RAB18: variants seen among roughly 807,000 people sequenced by gnomAD.
RAB18 encodes the protein ras-related protein Rab-18.
Under a neutral mutation model 28.5 loss-of-function variants are expected in RAB18, and 10 were observed. The observed-to-expected ratio is 0.35, with a 90% CI of 0.22 to 0.60. The LOEUF (loss-of-function observed/expected upper bound fraction) is 0.60. Ranked by LOEUF, RAB18 falls within the 20% of genes least tolerant of loss-of-function variation. The pLI is 0.78. For missense variants in RAB18, 188 were observed against 244.2 expected (o/e 0.77, Z 1.53); for synonymous variants, 93 against 86.9 (o/e 1.07, Z -0.39).
intron 6 of RAB18, among the ~76,000 whole-genome samples, chr10:27,535,984 G>C (rs1021671567): frequency 5.9e-5 from 9 of 152,000 alleles, no homozygotes; most frequent in African/African-American, 2.4e-5. Context: ...TTGGGAGGCT[G>C]AGGCAGGAGA....
intron 2 of RAB18, among the ~76,000 whole-genome samples, chr10:27,513,019 T>C (rs1355806490): frequency 7.2e-6 from 1 of 139,188 alleles, no homozygotes; most frequent in Non-Finnish European, 1.5e-5. Context: ...TAATAACATA[T>C]ATATATATAT....
rs537878554 is a variant in RAB18, at chr10:27,518,879, A to T, written c.125-7949A>T. Among the ~76,000 whole-genome samples, 33 of 152,216 alleles carry T rather than the reference A, an allele frequency of 2.2e-4. 1 individual carries two copies. In the East Asian group the frequency reaches 4.2e-3, roughly 20 times the overall value. ...ATTTTCCCCTATATTTTCTTCCAGA[A>T]GTCTTATAGTTTATAAAGTGTTACA... On this transcript the variant is annotated intron_variant, in intron 2 of 6. Transcript: ENST00000356940.
At chr10:27,513,571 A>G (rs887478045) in intron 2 of RAB18, among the ~76,000 whole-genome samples, 1 of 152,138 alleles carries the variant, frequency 6.6e-6, no homozygotes, top group African/African-American at 2.4e-5. Flanking sequence ...CTTTCTTGGC[A>G]ATTAGCTAAA....
At chr10:27,516,465 G>A (rs1182969453) in intron 2 of RAB18, among the ~76,000 whole-genome samples, 1 of 151,868 alleles carries the variant, frequency 6.6e-6, no homozygotes, top group Non-Finnish European at 1.5e-5. Context: ...GGCTGAGGCA[G>A]GAGAATCGCT....
At chr10:27,532,448 C>T (rs1834806786) in intron 3 of RAB18, 59 bp from the exon 4 acceptor site, 1 of 1,251,568 alleles carries the variant, frequency 8.0e-7, no homozygotes, top group Non-Finnish European at 1.2e-6. Flanking sequence ...TACTCTTAAA[C>T]TAGTATATTG....
chr10:27,541,160 A>G lies in RAB18; in HGVS notation c.*3109A>G. The G allele has an allele frequency of 2.2e-6, 1 of 453,986 alleles. No individual in the cohort carries two copies. The allele number at this position is 453,986 out of a possible 1,614,324, so 28.1% of individuals were successfully genotyped here. On this transcript the variant is annotated 3_prime_UTR_variant, in exon 7 of 7. Transcript: ENST00000356940. Reference sequence around the variant, plus strand: ...CTTTCCTGTATTTCCCTAGTTAAGTATAGGGGTAAAAACGTTATTCAGCTT... The same window carrying G: ...CTTTCCTGTATTTCCCTAGTTAAGTGTAGGGGTAAAAACGTTATTCAGCTT...
At position 27,541,080 on chromosome 10, in the gene RAB18, T is replaced by C. The variant is rs2132420983; in HGVS notation, c.*3029T>C. 1 of 453,972 alleles carries C rather than the reference T, an allele frequency of 2.2e-6. No homozygotes were observed. The highest frequency in any genetic ancestry group is 2.0e-5 in the African/African-American group (1 of 50,126). 28.1% of individuals were successfully genotyped at this position (453,972 alleles called of 1,614,324 possible). A position where few individuals can be genotyped will look rare whatever the true frequency, so the allele number is the denominator to read the frequency against. The stretch of plus-strand genomic sequence containing the variant: ...AGATCCTCTCCATATTCAAGCATTA[T>C]GCTTCTCTTTCTTGGGGGTACATTT... On this transcript the variant is annotated 3_prime_UTR_variant, in exon 7 of 7. Coordinates refer to ENST00000356940, the MANE Select transcript of RAB18 (RefSeq NM_021252.5).
In RAB18 at chr10:27,535,966, C is replaced by T. The variant is rs796991564; in HGVS notation, c.446-1910C>T. On this transcript the variant is annotated intron_variant, in intron 6 of 6. Coordinates refer to ENST00000356940, the MANE Select transcript of RAB18 (RefSeq NM_021252.5). ...GGCGTGGTGGCGGGTGCCTGTAGTC[C>T]CAGCTACTTGGGAGGCTGAGGCAGG... Among the ~76,000 whole-genome samples the T allele has an allele frequency of 1.7e-4, 26 of 152,094 alleles. 1 individual carries two copies. Among genetic ancestry groups the T allele is most frequent in the African/African-American group, 6.0e-4 (25 of 41,504 alleles).
chr10:27,510,064 A>G (rs1834296089), intron 2 of RAB18, 134 bp downstream of exon 2: 3 of 729,562 alleles, frequency 4.1e-6, no homozygotes, highest in African/African-American at 1.8e-5. Flanking sequence ...TTGTCCTTCA[A>G]GACTTAATTT....
intron 2 of RAB18, among the ~76,000 whole-genome samples, chr10:27,511,744 A>G (rs968579736): frequency 2.6e-5 from 4 of 152,180 alleles, no homozygotes; most frequent in African/African-American, 9.7e-5. Context: ...TATTTCTTGT[A>G]GAGAGATACA....
At chr10:27,536,037 A>T (rs375732507) in intron 6 of RAB18, among the ~76,000 whole-genome samples, 2 of 151,466 alleles carry the variant, frequency 1.3e-5, no homozygotes, top group Admixed American at 1.3e-4. Context: ...GAGCGAGATC[A>T]CGCCACTGCA....
At chr10:27,522,925 T>G (rs1426197763) in intron 2 of RAB18, among the ~76,000 whole-genome samples, 1 of 152,110 alleles carries the variant, frequency 6.6e-6, no homozygotes, top group African/African-American at 2.4e-5. Context: ...ACTAGAAGTT[T>G]ATCAGTTTTA....
In RAB18 at chr10:27,505,490, A is replaced by G. The variant is rs570190378; in HGVS notation, c.68+1053A>G. On this transcript the variant is annotated intron_variant, in intron 1 of 6. Transcript: ENST00000356940. ...AAATAACTTGTAAAAGTCACTTCAT[A>G]AAGTCTTACTTTTTAAAAGCTTCTT... Among the ~76,000 whole-genome samples the G allele has an allele frequency of 1.4e-3, 207 of 152,348 alleles. 3 individuals are homozygous for G. The highest frequency in any genetic ancestry group is 4.7e-3 in the Admixed American group (72 of 15,310).
Position 27,539,881 on chromosome 10 carries a change from A to T in RAB18, c.*1830A>T, listed in dbSNP as rs763743990. 1 of 453,908 alleles carries T rather than the reference A, an allele frequency of 2.2e-6. No homozygotes were observed. The highest frequency in any genetic ancestry group is 1.6e-5 in the South Asian group (1 of 64,424). 28.1% of individuals were successfully genotyped at this position (453,908 alleles called of 1,614,324 possible). ...TTTCCCTATTACTCTCATCAGCTGA[A>T]GAATATGTACTATTGTGTTACTCAA... On this transcript the variant is annotated 3_prime_UTR_variant, in exon 7 of 7. Coordinates refer to ENST00000356940, the MANE Select transcript of RAB18 (RefSeq NM_021252.5).
rs1207656055 is a variant in RAB18, at chr10:27,540,183, G to A, written c.*2132G>A. On this transcript the variant is annotated 3_prime_UTR_variant, in exon 7 of 7. Coordinates refer to ENST00000356940, the MANE Select transcript of RAB18 (RefSeq NM_021252.5). ...GAGTAATAGTTAATATTTATTGAAA[G>A]CTTCCTTGGTGCCAGATGCCTTTCT... 1 of 454,024 alleles carries A rather than the reference G, an allele frequency of 2.2e-6. No individual in the cohort carries two copies. The highest frequency in any genetic ancestry group is 1.6e-5 in the South Asian group (1 of 64,470). 28.1% of individuals were successfully genotyped at this position (454,024 alleles called of 1,614,324 possible). A position where few individuals can be genotyped will look rare whatever the true frequency, so the allele number is the denominator to read the frequency against.
rs1327622185 is a variant in RAB18 at position 27,538,461 on chromosome 10, T to TA, written c.*410_*411insA. 3 of 455,152 alleles carry TA rather than the reference T, an allele frequency of 6.6e-6. No homozygotes were observed. The highest frequency in any genetic ancestry group is 3.1e-5 in the South Asian group (2 of 64,480). The allele number at this position is 455,152 out of a possible 1,614,324, so 28.2% of individuals were successfully genotyped here. Reference sequence around the variant, plus strand: ...AGCACCACGGGGAAGAATAGAGGTATCATCAAACGTGGCAAATTTTCTTTC... The same window carrying TA: ...AGCACCACGGGGAAGAATAGAGGTATACATCAAACGTGGCAAATTTTCTTTC... On this transcript the variant is annotated 3_prime_UTR_variant, in exon 7 of 7. Transcript: ENST00000356940.
chr10:27,507,941 G>A (rs1006188408), intron 1 of RAB18, among the ~76,000 whole-genome samples: 6 of 151,668 alleles, frequency 4.0e-5, no homozygotes, highest in Non-Finnish European at 5.9e-5. Flanking sequence ...TACTTGGGGG[G>A]CTAAGGTGGG....
At chr10:27,527,619 ATATC>A (rs1305523393) in intron 3 of RAB18, among the ~76,000 whole-genome samples, 2 of 151,602 alleles carry the variant, frequency 1.3e-5, no homozygotes, top group African/African-American at 2.4e-5. Context: ...ACTGTTTTAT[ATATC>A]TATTTTTCAC....
chr10:27,522,306 TTTTG>T (rs1249170090), intron 2 of RAB18, among the ~76,000 whole-genome samples: 3 of 152,302 alleles, frequency 2.0e-5, no homozygotes, highest in African/African-American at 7.2e-5. Context: ...TATCAAAATA[TTTTG>T]TTTTAGTCTC....
Sources: gnomAD v4.1 joint callset for allele counts (sites outside exome capture counted in the v4.1 genomes callset) on GRCh38, gnomAD v4.1.1 for gene constraint, MANE v1.5 for transcripts, NCBI Gene and HGNC (gene_info 2026-07-23, HGNC 2026-07-21) for gene names.